The following CTNND2 variants were observed in gnomAD, a reference collection of about 807,000 sequenced individuals.
CTNND2 encodes catenin delta 2.
In CTNND2, 22 loss-of-function variants were observed where a neutral mutation model predicts 144.4. The observed-to-expected ratio is 0.15, with a 90% CI of 0.11 to 0.22. CTNND2 has a LOEUF of 0.22. Among genes scored for constraint, CTNND2 ranks in the 10% least tolerant of loss-of-function variants. The pLI, the probability that CTNND2 is intolerant of heterozygous loss-of-function variation, is 1.00. For missense variants in CTNND2, 1,353 were observed against 1,618.8 expected (o/e 0.84, Z 2.82); for synonymous variants, 751 against 695.6 (o/e 1.08, Z -1.25).
chr5:11,730,903 G>A (rs574096808), intron 2 of CTNND2, among the ~76,000 whole-genome samples: 16 of 152,300 alleles, frequency 1.1e-4, no homozygotes, highest in Middle Eastern at 3.4e-3. Context: ...ACATGAATAA[G>A]AAAGCACGAC....
At chr5:11,394,016 G>C (rs1004938638) in intron 6 of CTNND2, among the ~76,000 whole-genome samples, 15 of 151,964 alleles carry the variant, frequency 9.9e-5, no homozygotes, top group African/African-American at 3.6e-4. Context: ...CCCATCCAGG[G>C]GCCACAGCAT....
Position 11,000,261 on chromosome 5 carries a change from G to A in CTNND2, c.3085-7584C>T, listed in dbSNP as rs571991452. Among the ~76,000 whole-genome samples the A allele has an allele frequency of 4.3e-4, 66 of 152,252 alleles. 2 individuals carry two copies. The South Asian group carries it at 0.012, about 28-fold the overall frequency. On this transcript the variant is annotated intron_variant, in intron 18 of 21. Transcript: ENST00000304623. Reference sequence around the variant, plus strand: ...TGTGTGGCTGAGCGCAGTGGCTCACGCCTGTAATCCCAGCACTTTGGGAGG... The same window carrying A: ...TGTGTGGCTGAGCGCAGTGGCTCACACCTGTAATCCCAGCACTTTGGGAGG...
At chr5:11,592,158 GC>G (rs1581577198) in intron 2 of CTNND2, among the ~76,000 whole-genome samples, 1 of 133,792 alleles carries the variant, frequency 7.5e-6, no homozygotes, top group East Asian at 3.5e-4. Context: ...CTGCCTTCCT[GC>G]CTGCCTGCCT....
At chr5:11,048,804 G>A (rs1417892795) in intron 16 of CTNND2, among the ~76,000 whole-genome samples, 1 of 152,226 alleles carries the variant, frequency 6.6e-6, no homozygotes, top group Non-Finnish European at 1.5e-5. Flanking sequence ...GAGAAAGACA[G>A]AATTTGCCAG....
chr5:11,155,421 T>C (rs1436311275), intron 12 of CTNND2, among the ~76,000 whole-genome samples: 1 of 152,226 alleles, frequency 6.6e-6, no homozygotes, highest in Non-Finnish European at 1.5e-5. Context: ...TTTGCCACAT[T>C]TGTTTGGGGC....
chr5:11,533,933 G>A (rs1773986815), intron 3 of CTNND2, among the ~76,000 whole-genome samples: 1 of 152,162 alleles, frequency 6.6e-6, no homozygotes, highest in African/African-American at 2.4e-5. Context: ...ATTCTGGAGA[G>A]CATTCTGCAT....
At chr5:11,250,485 C>CTA (rs1447839836) in intron 9 of CTNND2, among the ~76,000 whole-genome samples, 2,380 of 67,208 alleles carry the variant, frequency 0.035, 17 homozygotes, top group Non-Finnish European at 0.04. Flanking sequence ...CTCTCTCTCT[C>CTA]TCTCTCTATA....
chr5:11,057,756 A>C (rs182913903), intron 16 of CTNND2, among the ~76,000 whole-genome samples: 1 of 152,212 alleles, frequency 6.6e-6, no homozygotes, highest in Non-Finnish European at 1.5e-5. Flanking sequence ...AAAATATGGG[A>C]AAGTTTGGAA....
At chr5:11,798,670 G>A (rs979445823) in intron 1 of CTNND2, among the ~76,000 whole-genome samples, 1 of 152,096 alleles carries the variant, frequency 6.6e-6, no homozygotes, top group African/African-American at 2.4e-5. Flanking sequence ...GGGACGCTGA[G>A]GCAGGAGAAT....
intron 1 of CTNND2, among the ~76,000 whole-genome samples, chr5:11,868,754 C>A (rs115948336): frequency 0.01 from 1,586 of 152,186 alleles, 26 homozygotes; most frequent in African/African-American, 0.037. Flanking sequence ...GAAAAAAGAC[C>A]TGAGCTAGCG....
intron 2 of CTNND2, among the ~76,000 whole-genome samples, chr5:11,646,895 A>G (rs1258500420): frequency 6.6e-6 from 1 of 152,158 alleles, no homozygotes; most frequent in Non-Finnish European, 1.5e-5. Context: ...GAAGCTGCTG[A>G]CACTTGGGGC....
intron 2 of CTNND2, among the ~76,000 whole-genome samples, chr5:11,601,438 T>C (rs773679253): frequency 2.6e-4 from 39 of 152,246 alleles, no homozygotes; most frequent in Middle Eastern, 3.4e-3. Context: ...TGATAAATAA[T>C]TGGAACAGAT....
chr5:11,877,592 C>A (rs540313957), intron 1 of CTNND2, among the ~76,000 whole-genome samples: 1 of 152,210 alleles, frequency 6.6e-6, no homozygotes, highest in Admixed American at 6.5e-5. Context: ...AAGATTAACT[C>A]TGATATTTAA....
chr5:11,224,590 T>C (rs1740131806), intron 10 of CTNND2, among the ~76,000 whole-genome samples: 1 of 152,250 alleles, frequency 6.6e-6, no homozygotes, highest in African/African-American at 2.4e-5. Context: ...TGTGCTGACC[T>C]AACTTGTCAC....
At chr5:10,996,907 A>G (rs1739410351) in intron 18 of CTNND2, among the ~76,000 whole-genome samples, 1 of 152,054 alleles carries the variant, frequency 6.6e-6, no homozygotes, top group Non-Finnish European at 1.5e-5. Flanking sequence ...AATTTTGCTG[A>G]TTTTTAACCA....
chr5:11,800,101 T>C (rs922525206), intron 1 of CTNND2, among the ~76,000 whole-genome samples: 3 of 152,194 alleles, frequency 2.0e-5, no homozygotes, highest in Non-Finnish European at 4.4e-5. Context: ...GTCAACTTCA[T>C]GTGTTAATGA....
chr5:11,096,472 TGTC>T (rs1751362221), intron 15 of CTNND2, among the ~76,000 whole-genome samples: 1 of 152,222 alleles, frequency 6.6e-6, no homozygotes, highest in South Asian at 2.1e-4. Flanking sequence ...GCTCCATCCA[TGTC>T]CCTGCTAAGG....
In CTNND2 at chr5:11,354,580, G is replaced by A. The variant is rs139722614; in HGVS notation, c.1373-7953C>T. On this transcript the variant is annotated intron_variant, in intron 8 of 21. Transcript: ENST00000304623. ...GCAACATTTCTGAGAACATTTCCAC[G>A]AACAGTCATATAAATAAATTTTAGA... 2.0e-3 allele frequency among the ~76,000 whole-genome samples: 297 copies of A among 152,054 alleles called. 3 individuals carry two copies. The highest frequency in any genetic ancestry group is 0.014 in the Admixed American group (209 of 15,280).
intron 3 of CTNND2, among the ~76,000 whole-genome samples, chr5:11,427,304 G>T (rs571880155): frequency 7.4e-6 from 1 of 134,916 alleles, no homozygotes; most frequent in East Asian, 2.1e-4. Flanking sequence ...TTGAGACAGA[G>T]TCTCACTCTG....
Sources: gnomAD v4.1 joint callset for allele counts (sites outside exome capture counted in the v4.1 genomes callset) on GRCh38, gnomAD v4.1.1 for gene constraint, MANE v1.5 for transcripts, NCBI Gene and HGNC (gene_info 2026-07-23, HGNC 2026-07-21) for gene names.